SDK1: variants seen among roughly 807,000 people sequenced by gnomAD.
SDK1 encodes protein sidekick-1.
SDK1 carries 157 observed loss-of-function variants against 245.5 expected under a neutral mutation model. That is an observed-to-expected ratio of 0.64 (90% CI 0.56 to 0.73). The LOEUF (loss-of-function observed/expected upper bound fraction) is 0.73. SDK1 is among the 30% of genes least tolerant of loss of function. The probability of loss-of-function intolerance (pLI) is 0.00; values close to 1 mark genes in which losing one functional copy is unlikely to be tolerated. For missense variants in SDK1, 3,583 were observed against 3,002.3 expected (o/e 1.19, Z -4.52); for synonymous variants, 1,647 against 1,278.5 (o/e 1.29, Z -6.15).
At chr7:4,218,182 T>C (rs1784937174) in intron 38 of SDK1, among the ~76,000 whole-genome samples, 1 of 152,116 alleles carries the variant, frequency 6.6e-6, no homozygotes, top group Admixed American at 6.5e-5. Flanking sequence ...GGTGGGCAGA[T>C]CACTTGAGGT....
intron 35 of SDK1, among the ~76,000 whole-genome samples, chr7:4,194,387 CATGTATACATATATGTATGCACATATGT>C (rs1783451636): frequency 6.3e-5 from 7 of 110,716 alleles, no homozygotes; most frequent in African/African-American, 2.3e-4. Context: ...TATGTGTATA[CATGTATACATATATGTATGCACATATGT>C]GTATACATGT....
At chr7:3,451,891 A>G (rs1264101217) in intron 1 of SDK1, among the ~76,000 whole-genome samples, 1 of 152,192 alleles carries the variant, frequency 6.6e-6, no homozygotes, top group Non-Finnish European at 1.5e-5. Flanking sequence ...GGGCAATTGC[A>G]AAGAGACTAG....
At chr7:3,443,294 T>C (rs6415253) in intron 1 of SDK1, among the ~76,000 whole-genome samples, 115,039 of 152,060 alleles carry the variant, frequency 0.76, 43,782 homozygotes, top group African/African-American at 0.83. Context: ...CTACTTATGT[T>C]TGACAATTTT....
intron 1 of SDK1, among the ~76,000 whole-genome samples, chr7:3,488,604 C>A (rs146978974): frequency 1.4e-4 from 22 of 152,298 alleles, no homozygotes; most frequent in African/African-American, 5.1e-4. Context: ...AAGTCCCTTA[C>A]AATGCTCATC....
chr7:3,780,908 C>A (rs962891801), intron 4 of SDK1, among the ~76,000 whole-genome samples: 1 of 152,098 alleles, frequency 6.6e-6, no homozygotes, highest in Non-Finnish European at 1.5e-5. Context: ...GTTAGATCAG[C>A]TTTACCTAGG....
chr7:3,516,358 T>A (rs1782751833), intron 1 of SDK1, among the ~76,000 whole-genome samples: 1 of 152,112 alleles, frequency 6.6e-6, no homozygotes, highest in Non-Finnish European at 1.5e-5. Context: ...ACCTATGTCA[T>A]ACCATCCTGC....
At chr7:3,999,847 T>G (rs1252850375) in intron 14 of SDK1, among the ~76,000 whole-genome samples, 1 of 152,214 alleles carries the variant, frequency 6.6e-6, no homozygotes, top group Non-Finnish European at 1.5e-5. Flanking sequence ...GAGGGAGCAC[T>G]GCTAGCAGCC....
Position 4,247,861 on chromosome 7 carries a change from A to G in SDK1, c.6381+2056A>G, listed in dbSNP as rs965244366. ...CACCCAGCCAGACCCCCGTGTCTCC[A>G]GAGCTCAGTGTACCCCTTCCCTCCC... On this transcript the variant is annotated intron_variant, in intron 44 of 44. Transcript: ENST00000404826. 5.9e-5 allele frequency among the ~76,000 whole-genome samples: 9 copies of G among 152,200 alleles called. No homozygotes were observed. The East Asian group carries it at 1.7e-3, about 29-fold the overall frequency.
At chr7:3,541,929 A>G (rs968153982) in intron 1 of SDK1, among the ~76,000 whole-genome samples, 1 of 152,216 alleles carries the variant, frequency 6.6e-6, no homozygotes, top group Non-Finnish European at 1.5e-5. Flanking sequence ...GAAGGACTAG[A>G]TATGTCCGTA....
At chr7:3,419,240 G>T (rs1385881391) in intron 1 of SDK1, among the ~76,000 whole-genome samples, 2 of 152,168 alleles carry the variant, frequency 1.3e-5, no homozygotes, top group East Asian at 3.9e-4. Flanking sequence ...TAAGGACTTT[G>T]CCCGAAGTGG....
At chr7:3,321,778 C>CTCCT (rs1186428883) in intron 1 of SDK1, among the ~76,000 whole-genome samples, 8,962 of 50,156 alleles carry the variant, frequency 0.18, 1,078 homozygotes, top group Admixed American at 0.21. Flanking sequence ...TTCCTTCCTT[C>CTCCT]TCCTTCCTTC....
intron 10 of SDK1, 119 bp from the exon 11 acceptor site, chr7:3,969,138 C>A (rs145381450): frequency 3.3e-6 from 3 of 898,380 alleles, no homozygotes; most frequent in African/African-American, 1.7e-5. Context: ...CAATTCGAGA[C>A]GAGACTTGGG....
intron 1 of SDK1, among the ~76,000 whole-genome samples, chr7:3,526,093 G>T (rs1003792813): frequency 6.6e-6 from 1 of 152,058 alleles, no homozygotes; most frequent in Non-Finnish European, 1.5e-5. Flanking sequence ...AATTAGCGGG[G>T]TGTGATGGTG....
chr7:3,528,485 G>A (rs940180406), intron 1 of SDK1, among the ~76,000 whole-genome samples: 1 of 152,002 alleles, frequency 6.6e-6, no homozygotes, highest in African/African-American at 2.4e-5. Context: ...CATAAGAGAA[G>A]GCCATGGAGG....
At chr7:3,526,755 G>C (rs1562540494) in intron 1 of SDK1, among the ~76,000 whole-genome samples, 1 of 151,974 alleles carries the variant, frequency 6.6e-6, no homozygotes, top group Non-Finnish European at 1.5e-5. Context: ...TCACAGCTGC[G>C]AAGAGCCATG....
intron 5 of SDK1, among the ~76,000 whole-genome samples, chr7:3,945,836 T>G (rs1279671393): frequency 3.0e-5 from 4 of 133,236 alleles, no homozygotes; most frequent in Non-Finnish European, 6.1e-5. Context: ...GGAGCGGAGC[T>G]TGCAGTGACC....
chr7:3,644,766 C>G (rs1217487929), intron 4 of SDK1, among the ~76,000 whole-genome samples: 1 of 72,120 alleles, frequency 1.4e-5, no homozygotes, highest in African/African-American at 5.8e-5. Context: ...GAGCAAGACC[C>G]TGTCTCCAAA....
intron 4 of SDK1, among the ~76,000 whole-genome samples, chr7:3,775,572 TTTC>T (rs1346881720): frequency 6.6e-6 from 1 of 150,448 alleles, no homozygotes; most frequent in Admixed American, 6.6e-5. Flanking sequence ...CCTCTTTTTT[TTTC>T]TTTTTTTTTT....
intron 4 of SDK1, among the ~76,000 whole-genome samples, chr7:3,681,328 T>A (rs926067389): frequency 1.3e-5 from 2 of 152,096 alleles, no homozygotes; most frequent in African/African-American, 4.8e-5. Flanking sequence ...TGTTTAAGAT[T>A]CCATTGTGTG....
Sources: allele counts gnomAD v4.1 joint callset (sites outside exome capture counted in the v4.1 genomes callset), GRCh38; gene constraint gnomAD v4.1.1; transcripts MANE v1.5; gene names NCBI Gene and HGNC (gene_info 2026-07-23, HGNC 2026-07-21).